The following CPNE5 variants were observed in gnomAD, a reference collection of about 807,000 sequenced individuals.
CPNE5 encodes the protein copine-5.
Under a neutral mutation model 81.1 loss-of-function variants are expected in CPNE5, and 42 were observed. That is an observed-to-expected ratio of 0.52 (90% CI 0.40 to 0.67). The LOEUF is 0.67. Among genes scored for constraint, CPNE5 ranks in the 30% least tolerant of loss-of-function variants. The pLI is 0.00. For synonymous variants in CPNE5, 313 were observed against 321.5 expected, an observed-to-expected ratio of 0.97 and a Z score of 0.28; for missense variants, 612 against 815.5, an observed-to-expected ratio of 0.75 and a Z score of 3.04.
chr6:36,757,373 G>A, intron 12 of CPNE5: 1 of 985,262 alleles, frequency 1.0e-6, no homozygotes. Context: ...TCTTTACCGT[G>A]GTCTCTTCTG....
At chr6:36,830,381 A>G (rs535471554) in intron 1 of CPNE5, among the ~76,000 whole-genome samples, 45 of 152,296 alleles carry the variant, frequency 3.0e-4, no homozygotes, top group African/African-American at 9.6e-4. Context: ...CCCAGCTCCC[A>G]GACCTAAAAG....
intron 10 of CPNE5, among the ~76,000 whole-genome samples, chr6:36,774,136 C>A (rs1448485853): frequency 6.6e-6 from 1 of 150,870 alleles, no homozygotes; most frequent in Non-Finnish European, 1.5e-5. Context: ...GTAATCCCAG[C>A]ACTTTGGGAG....
chr6:36,762,530 G>A (rs1266701085), intron 12 of CPNE5, among the ~76,000 whole-genome samples: 1 of 152,158 alleles, frequency 6.6e-6, no homozygotes, highest in Non-Finnish European at 1.5e-5. Flanking sequence ...AGCAGGCCCT[G>A]AAACTGTTCT....
rs144469554 is a variant in CPNE5 at position 36,747,523 on chromosome 6, G to A, written c.1018+698C>T. On this transcript the variant is annotated intron_variant, in intron 15 of 20. Coordinates refer to ENST00000244751, the MANE Select transcript of CPNE5 (RefSeq NM_020939.2). ...TATCCTCAGTGTTATTATTACTAAG[G>A]CCCCTTCCAGCTCTGATAGCCCAGT... Among the ~76,000 whole-genome samples, 132 of 152,250 alleles carry A rather than the reference G, an allele frequency of 8.7e-4. 1 individual carries two copies. The highest frequency in any genetic ancestry group is 3.0e-3 in the African/African-American group (124 of 41,532).
chr6:36,775,006 G>A lies in CPNE5; in HGVS notation c.692C>T (p.Thr231Ile). Residue 231 changes from threonine to isoleucine, a missense_variant, in exon 10 of 21, where the codon ACT (threonine) becomes ATT (isoleucine). Physicochemically the swap from Thr to Ile is moderately conservative, Grantham distance 89. Coordinates refer to ENST00000244751, the MANE Select transcript of CPNE5 (RefSeq NM_020939.2). ...MKNTLNPVWQ[T>I]FSIPVRALCN... ...GAGGGCTCTCACGGGAATGGAGAAA[G>A]TTTGCCAGACTGGATTTAGGGTGTT... The A allele has an allele frequency of 6.2e-7, 1 of 1,614,236 alleles. No homozygotes were observed. Among genetic ancestry groups the A allele is most frequent in the Non-Finnish European group, 8.5e-7 (1 of 1,180,040 alleles).
chr6:36,794,407 GGGGCCTCT>G (rs1769378953), intron 7 of CPNE5, among the ~76,000 whole-genome samples, 175 bp downstream of exon 7: 1 of 152,138 alleles, frequency 6.6e-6, no homozygotes, highest in South Asian at 2.1e-4. Context: ...CTGCCGAGTG[GGGGCCTCT>G]GTTCAGGGCC....
chr6:36,792,411 C>T (rs1483651587), intron 7 of CPNE5: 1 of 1,423,898 alleles, frequency 7.0e-7, no homozygotes, highest in Non-Finnish European at 9.3e-7. Context: ...GGCTTCCAGA[C>T]CAGTGGTTCT....
At position 36,794,668 on chromosome 6, in the gene CPNE5, A is replaced by G. The variant is rs371724384; in HGVS notation, c.405-19T>C. 2.2e-5 allele frequency: 35 copies of G among 1,611,742 alleles called. No homozygotes were observed. The African/African-American group carries it at 3.3e-4, about 15-fold the overall frequency. On this transcript the variant is annotated intron_variant, in intron 6 of 20. Coordinates refer to ENST00000244751, the MANE Select transcript of CPNE5 (RefSeq NM_020939.2). Reference sequence around the variant, plus strand: ...GCCTATCCTGTGGAGAGAGAGGGGGAGAGAGAGCATGCCATGAGCTGAGTA... The same window carrying G: ...GCCTATCCTGTGGAGAGAGAGGGGGGGAGAGAGCATGCCATGAGCTGAGTA...
chr6:36,746,359 C>T lies in CPNE5; in HGVS notation c.1200+37G>A, dbSNP rs1453015361. ...CCCAGCTTGTCACCTCACCCCCAGC[C>T]TGATCAGTCCTCTCTCCCACCAGCG... On this transcript the variant is annotated intron_variant, in intron 16 of 20. Coordinates refer to ENST00000244751, the MANE Select transcript of CPNE5 (RefSeq NM_020939.2). This position sits in a 1 kb window ranked among gnomAD's most constrained non-coding sequence, Gnocchi z 4.5. 5.7e-6 allele frequency: 9 copies of T among 1,565,420 alleles called. No individual in the cohort carries two copies. Among genetic ancestry groups the T allele is most frequent in the Non-Finnish European group, 7.8e-6 (9 of 1,155,548 alleles).
rs1562089467 is a variant in CPNE5 at position 36,748,287 on chromosome 6, AG to A, written c.972-21del. The A allele has an allele frequency of 6.2e-7, 1 of 1,613,572 alleles. No homozygotes were observed. The highest frequency in any genetic ancestry group is 8.5e-7 in the Non-Finnish European group (1 of 1,179,566). ...TGGGTCCTAGAAGAGGGAGAACAGC[AG>A]GGGAGTCACCTGGAGGGAGGCAGGG... On this transcript the variant is annotated intron_variant, in intron 14 of 20. Coordinates refer to ENST00000244751, the MANE Select transcript of CPNE5 (RefSeq NM_020939.2).
intron 3 of CPNE5, among the ~76,000 whole-genome samples, chr6:36,812,232 C>A (rs1416887371): frequency 6.6e-6 from 1 of 152,188 alleles, no homozygotes; most frequent in African/African-American, 2.4e-5. Flanking sequence ...TGTTGCTGGG[C>A]AAAGCCAGGA....
intron 1 of CPNE5, among the ~76,000 whole-genome samples, chr6:36,833,402 G>A (rs1192318071): frequency 6.6e-6 from 1 of 152,194 alleles, no homozygotes; most frequent in Admixed American, 6.5e-5. Flanking sequence ...AGAGTGGGCG[G>A]GACCTGGGAA....
In CPNE5 at chr6:36,743,721, G is replaced by A. The variant is rs751223316; in HGVS notation, c.1531C>T (p.Arg511Trp). Residue 511 changes from arginine (R) to tryptophan (W), a missense_variant, in exon 20 of 21, where the codon CGG (arginine) becomes TGG (tryptophan). By Grantham distance (101) the Arg-to-Trp change is moderately radical. Transcript: ENST00000244751. ...ATGTCGCGTTCAGCCAGCTTCCCCCGGGAGGAGATCCGCACGTCGTCGCCA... is the reference window on the plus strand; with the variant it reads ...ATGTCGCGTTCAGCCAGCTTCCCCCAGGAGGAGATCCGCACGTCGTCGCCA... ...LDGDDVRISS[R>W]GKLAERDIVQ... 13 of 1,613,290 alleles carry A rather than the reference G, an allele frequency of 8.1e-6. No individual in the cohort carries two copies. The highest frequency in any genetic ancestry group is 3.3e-5 in the Admixed American group (2 of 60,028).
At chr6:36,836,974 A>G (rs939050827) in intron 1 of CPNE5, among the ~76,000 whole-genome samples, 3 of 152,178 alleles carry the variant, frequency 2.0e-5, no homozygotes, top group Non-Finnish European at 4.4e-5. Context: ...CAGCTCATGG[A>G]TCATGTCCCC....
chr6:36,835,815 A>AG lies in CPNE5; in HGVS notation c.95+3467_95+3468insC, dbSNP rs1773451558. On this transcript the variant is annotated intron_variant, in intron 1 of 20. Coordinates refer to ENST00000244751, the MANE Select transcript of CPNE5 (RefSeq NM_020939.2). ...CAAAAACTCCGTCTCAAAAAAAAAA[A>AG]AAAGAATCTCTAGATTGATCAGATC... Among the ~76,000 whole-genome samples the AG allele has an allele frequency of 5.9e-5, 9 of 152,270 alleles. No homozygotes were observed. The South Asian group carries it at 1.9e-3, about 32-fold the overall frequency.
chr6:36,811,338 C>A (rs1046641352), intron 3 of CPNE5, among the ~76,000 whole-genome samples: 2 of 152,234 alleles, frequency 1.3e-5, no homozygotes, highest in African/African-American at 4.8e-5. Flanking sequence ...GTCAATGGTT[C>A]CTTCCTCCAG....
At chr6:36,780,256 C>G (rs1424546030) in intron 8 of CPNE5, among the ~76,000 whole-genome samples, 2 of 152,218 alleles carry the variant, frequency 1.3e-5, no homozygotes, top group Non-Finnish European at 2.9e-5. Context: ...AGCCACTGCA[C>G]CTGGCCCCCC....
At chr6:36,836,635 G>A (rs192703404) in intron 1 of CPNE5, among the ~76,000 whole-genome samples, 12 of 152,298 alleles carry the variant, frequency 7.9e-5, no homozygotes, top group Admixed American at 2.0e-4. Context: ...CCCTGAGAGC[G>A]GGTGCAGTGG....
chr6:36,822,950 G>A (rs1167569028), intron 2 of CPNE5, 108 bp downstream of exon 2: 8 of 890,328 alleles, frequency 9.0e-6, no homozygotes, highest in African/African-American at 3.4e-5. Flanking sequence ...CACTTTGAAC[G>A]GCGCCTGGCA....
Sources: allele counts gnomAD v4.1 joint callset (sites outside exome capture counted in the v4.1 genomes callset), GRCh38; gene constraint gnomAD v4.1.1; non-coding constraint Gnocchi (gnomAD v3.1); transcripts MANE v1.5; gene names NCBI Gene and HGNC (gene_info 2026-07-23, HGNC 2026-07-21).